The following PMFBP1 variants were observed in gnomAD, a reference collection of about 807,000 sequenced individuals.
The protein encoded by PMFBP1 is polyamine-modulated factor 1-binding protein 1.
A neutral mutation model predicts 137.8 loss-of-function variants in PMFBP1; 131 were observed. The ratio of observed to expected loss-of-function variants is 0.95; its 90% CI spans 0.82 to 1.10. The LOEUF is 1.10. Among genes scored for constraint, PMFBP1 ranks in the 50% least tolerant of loss-of-function variants. PMFBP1 has a pLI of 0.00. For synonymous variants in PMFBP1, 490 were observed against 450.4 expected, an observed-to-expected ratio of 1.09 and a Z score of -1.11; for missense variants, 1,199 against 1,175.4, an observed-to-expected ratio of 1.02 and a Z score of -0.29.
chr16:72,125,929 C>A, intron 15 of PMFBP1, 39 bp downstream of exon 15: 1 of 1,600,180 alleles, frequency 6.2e-7, no homozygotes, highest in South Asian at 1.1e-5. Context: ...CGTTTCCTTG[C>A]CTGAAAACAG....
At chr16:72,165,176 C>T (rs1320010209) in intron 2 of PMFBP1, among the ~76,000 whole-genome samples, 1 of 152,166 alleles carries the variant, frequency 6.6e-6, no homozygotes, top group Non-Finnish European at 1.5e-5. Flanking sequence ...GACAATTCCC[C>T]TGTTTTTCAA....
At chr16:72,177,771 T>C (rs951427003), upstream of PMFBP1, among the ~76,000 whole-genome samples, 1 of 152,228 alleles carries the variant, frequency 6.6e-6, no homozygotes, top group Admixed American at 6.5e-5. Context: ...AGTTGTTTTA[T>C]ATCTTTAGAC....
chr16:72,144,740 T>C (rs148667175), intron 5 of PMFBP1, among the ~76,000 whole-genome samples: 12 of 152,060 alleles, frequency 7.9e-5, no homozygotes, highest in Admixed American at 3.3e-4. Context: ...AACCTAGAAT[T>C]TATAAAGGAC....
At chr16:72,185,138 C>T in the PMFBP1 span, among the ~76,000 whole-genome samples, 4 of 152,070 alleles carry the variant, frequency 2.6e-5, no homozygotes, top group Admixed American at 6.5e-5. Flanking sequence ...ATTCTCCTGC[C>T]TCAGCCTCCT....
chr16:72,127,779 T>C (rs182601484), intron 14 of PMFBP1, among the ~76,000 whole-genome samples: 2 of 152,330 alleles, frequency 1.3e-5, no homozygotes, highest in East Asian at 3.9e-4. Flanking sequence ...CTCACATTCA[T>C]TCCATCAGCT....
At chr16:72,246,675 A>G in the PMFBP1 span, among the ~76,000 whole-genome samples, 5 of 151,908 alleles carry the variant, frequency 3.3e-5, no homozygotes, top group African/African-American at 1.2e-4. Context: ...TGTAGTACAC[A>G]TGGTTAGAAC....
the PMFBP1 span, among the ~76,000 whole-genome samples, chr16:72,237,844 G>A: frequency 6.6e-6 from 1 of 152,038 alleles, no homozygotes; most frequent in African/African-American, 2.4e-5. Context: ...TCCCCTCTAT[G>A]TGTCCATGTG....
At chr16:72,225,600 C>G in the PMFBP1 span, among the ~76,000 whole-genome samples, 2 of 151,640 alleles carry the variant, frequency 1.3e-5, no homozygotes, top group African/African-American at 4.8e-5. Flanking sequence ...AAAGTTTCAG[C>G]TACTCAGGAG....
chr16:72,121,776 C>A (rs1402370146), intron 19 of PMFBP1, among the ~76,000 whole-genome samples: 1 of 152,186 alleles, frequency 6.6e-6, no homozygotes, highest in Non-Finnish European at 1.5e-5. Context: ...ACGTGTGCAC[C>A]ACCATGCCTG....
At chr16:72,219,554 G>GA in the PMFBP1 span, among the ~76,000 whole-genome samples, 1 of 151,938 alleles carries the variant, frequency 6.6e-6, no homozygotes, top group South Asian at 2.1e-4. Flanking sequence ...AATGTGGGCG[G>GA]GGGGGCCTGT....
the PMFBP1 span, among the ~76,000 whole-genome samples, chr16:72,192,966 T>A: frequency 6.6e-6 from 1 of 151,378 alleles, no homozygotes; most frequent in South Asian, 2.1e-4. Flanking sequence ...TATGCAGTGA[T>A]TTAAAATGAT....
chr16:72,246,641 G>A, the PMFBP1 span, among the ~76,000 whole-genome samples: 1 of 151,940 alleles, frequency 6.6e-6, no homozygotes, highest in African/African-American at 2.4e-5. Context: ...TCTCTGTGAG[G>A]CTTCCTGTCT....
chr16:72,245,806 C>T, the PMFBP1 span, among the ~76,000 whole-genome samples: 1 of 152,200 alleles, frequency 6.6e-6, no homozygotes, highest in Non-Finnish European at 1.5e-5. Context: ...CCTTCACTCT[C>T]TCTCTCCAAC....
chr16:72,214,960 A>G, the PMFBP1 span, among the ~76,000 whole-genome samples: 2 of 152,244 alleles, frequency 1.3e-5, no homozygotes, highest in African/African-American at 2.4e-5. Context: ...TATAAATTCC[A>G]GAAATAAAAA....
chr16:72,130,441 G>T (rs1355549830), intron 11 of PMFBP1, 84 bp from the exon 12 acceptor site: 1 of 1,606,400 alleles, frequency 6.2e-7, no homozygotes, highest in African/African-American at 1.3e-5. Context: ...GGAAATCCTT[G>T]CTCTCCCACG....
chr16:72,119,960 C>T lies in PMFBP1; in HGVS notation c.2898G>A (p.Glu966=). 1 of 1,614,212 alleles carries T rather than the reference C, an allele frequency of 6.2e-7. No homozygotes were observed. The change falls in exon 20 of 21, where the codon GAG becomes GAA. Residue 966 remains glutamate, a synonymous_variant. Transcript: ENST00000237353. ...CTKALGPSRT[E]STQREKVCGT... is the part of the protein sequence containing the mutation. ...CGCACACTTTCTCCCTCTGTGTGGA[C>T]TCCGTTCTGCTCGGGCCTAGGGCTT...
At position 72,136,805 on chromosome 16, in the gene PMFBP1, C is replaced by A. The variant is rs2042639969; in HGVS notation, c.933G>T (p.Leu311Phe). The A allele has an allele frequency of 6.2e-7, 1 of 1,614,032 alleles. No homozygotes were observed. Among genetic ancestry groups the A allele is most frequent in the Non-Finnish European group, 8.5e-7 (1 of 1,180,040 alleles). ...CEDIKKILKH[L>F]QEQKDSQCLH... ...GGCACTGGCTGTCTTTCTGCTCCTGCAAGTGCTTCAGTATCTGGCAGATGG... is the reference window on the plus strand; with the variant it reads ...GGCACTGGCTGTCTTTCTGCTCCTGAAAGTGCTTCAGTATCTGGCAGATGG... Residue 311 changes from leucine (L) to phenylalanine (F), a missense_variant, in exon 8 of 21, where the codon TTG becomes TTT. Transcript: ENST00000237353.
At chr16:72,221,640 G>C in the PMFBP1 span, among the ~76,000 whole-genome samples, 6 of 152,144 alleles carry the variant, frequency 3.9e-5, no homozygotes. Context: ...CCTACTCTCG[G>C]GAAGGATGAA....
chr16:72,185,535 T>C, the PMFBP1 span, among the ~76,000 whole-genome samples: 2 of 152,100 alleles, frequency 1.3e-5, no homozygotes, highest in African/African-American at 4.8e-5. Context: ...CAAAGCCTTC[T>C]CTGAATCCCC....
Sources: allele counts gnomAD v4.1 joint callset (sites outside exome capture counted in the v4.1 genomes callset), GRCh38; gene constraint gnomAD v4.1.1; transcripts MANE v1.5; gene names NCBI Gene and HGNC (gene_info 2026-07-23, HGNC 2026-07-21).